UMAD1: variants seen among roughly 807,000 people sequenced by gnomAD.
UMAD1 encodes the protein UBAP1-MVB12-associated (UMA) domain containing 1, also known as UBAP1-MVB12-associated (UMA)-domain containing protein 1.
In UMAD1, 8 loss-of-function variants were observed where a neutral mutation model predicts 6.1. That is an observed-to-expected ratio of 1.30 (90% CI 0.76 to 2.35). The LOEUF (loss-of-function observed/expected upper bound fraction) is 2.35. Ranked by LOEUF, UMAD1 falls within the 30% of genes most tolerant of loss-of-function variation. UMAD1 has a pLI of 0.00. For missense variants in UMAD1, 130 were observed against 78.4 expected, an observed-to-expected ratio of 1.66 and a Z score of -2.49; for synonymous variants, 56 against 31.4, an observed-to-expected ratio of 1.78 and a Z score of -2.61.
At position 7,854,341 on chromosome 7, in the gene UMAD1, G is replaced by A. The variant is rs1221108357; in HGVS notation, c.157-22940G>A. Among the ~76,000 whole-genome samples the A allele has an allele frequency of 9.5e-5, 8 of 83,902 alleles. No individual in the cohort carries two copies. The Admixed American group carries it at 1.5e-3, about 16-fold the overall frequency. The allele number at this position is 83,902 out of a possible 152,430, so 55.0% of individuals were successfully genotyped here. Reference sequence around the variant, plus strand: ...TTGCACTCCAGCCTGGGCAACAAGAGCAAAGCTCCATCTCAAAAAAAAAAA... The same window carrying A: ...TTGCACTCCAGCCTGGGCAACAAGAACAAAGCTCCATCTCAAAAAAAAAAA... On this transcript the variant is annotated intron_variant, in intron 3 of 3. Coordinates refer to ENST00000682710, the MANE Select transcript of UMAD1 (RefSeq NM_001302348.2).
intron 2 of UMAD1, among the ~76,000 whole-genome samples, chr7:7,682,449 C>G (rs1290956880): frequency 2.0e-5 from 3 of 152,074 alleles, no homozygotes; most frequent in Non-Finnish European, 4.4e-5. Flanking sequence ...TTATATGGAA[C>G]TTTTAAAGGT....
intron 3 of UMAD1, among the ~76,000 whole-genome samples, chr7:7,831,439 C>CT (rs1161513999): frequency 1.3e-5 from 2 of 152,192 alleles, no homozygotes; most frequent in Admixed American, 6.5e-5. Context: ...TGGAGCCTGT[C>CT]TTTCTGGGTA....
intron 3 of UMAD1, among the ~76,000 whole-genome samples, chr7:7,869,255 C>T (rs1375240811): frequency 9.6e-6 from 1 of 103,978 alleles, no homozygotes; most frequent in African/African-American, 3.7e-5. Flanking sequence ...AAGCAGATAC[C>T]AGCTGAAGCC....
intron 3 of UMAD1, among the ~76,000 whole-genome samples, chr7:7,866,712 A>G (rs1287267357): frequency 6.6e-6 from 1 of 152,208 alleles, no homozygotes; most frequent in Non-Finnish European, 1.5e-5. Context: ...TAAGAGTACA[A>G]GAAATTGGAG....
intron 2 of UMAD1, among the ~76,000 whole-genome samples, chr7:7,783,176 C>T (rs1231180722): frequency 6.6e-6 from 1 of 152,210 alleles, no homozygotes; most frequent in Non-Finnish European, 1.5e-5. Context: ...AAGAGACAGG[C>T]TGGTTGCACC....
At chr7:7,721,795 T>C (rs1426207988) in intron 2 of UMAD1, among the ~76,000 whole-genome samples, 1 of 152,182 alleles carries the variant, frequency 6.6e-6, no homozygotes, top group Non-Finnish European at 1.5e-5. Flanking sequence ...TTGATTGGAT[T>C]GAAGGATGCA....
At chr7:7,805,743 T>G (rs1782900041) in intron 3 of UMAD1, among the ~76,000 whole-genome samples, 1 of 152,194 alleles carries the variant, frequency 6.6e-6, no homozygotes, top group African/African-American at 2.4e-5. Flanking sequence ...TCAGGCTTTG[T>G]ATTTGCTAGT....
intron 2 of UMAD1, among the ~76,000 whole-genome samples, chr7:7,709,699 A>G (rs1780702593): frequency 6.6e-6 from 1 of 152,208 alleles, no homozygotes; most frequent in Admixed American, 6.5e-5. Flanking sequence ...GCTGAGGGTA[A>G]GATCTTTAAA....
intron 1 of UMAD1, among the ~76,000 whole-genome samples, chr7:7,663,081 G>A (rs1273652570): frequency 1.3e-5 from 2 of 151,700 alleles, no homozygotes; most frequent in Non-Finnish European, 2.9e-5. Context: ...GCACCCAAAT[G>A]CGAAAGTTTA....
chr7:7,644,142 G>A (rs1785040933), intron 1 of UMAD1, among the ~76,000 whole-genome samples: 1 of 152,026 alleles, frequency 6.6e-6, no homozygotes. Context: ...GATATGAAGT[G>A]TTTTTTTGTC....
chr7:7,800,442 C>CT (rs559610069), intron 2 of UMAD1, among the ~76,000 whole-genome samples: 6 of 151,226 alleles, frequency 4.0e-5, no homozygotes, highest in South Asian at 2.1e-4. Context: ...ACTTTAATCA[C>CT]TTTTTTTTTA....
At chr7:7,798,324 TACTC>T (rs1782727783) in intron 2 of UMAD1, among the ~76,000 whole-genome samples, 1 of 152,236 alleles carries the variant, frequency 6.6e-6, no homozygotes, top group Admixed American at 6.5e-5. Context: ...CTTTATCATT[TACTC>T]ACTCTAAATA....
In UMAD1 at chr7:7,670,014, G is replaced by A. The variant is rs1779566100; in HGVS notation, c.-63-3295G>A. Among the ~76,000 whole-genome samples the A allele has an allele frequency of 2.0e-5, 3 of 152,184 alleles. No homozygotes were observed. In the South Asian group the frequency reaches 6.2e-4, roughly 32 times the overall value. ...ATGCTTTGCCAGTAAGTCATGCTAT[G>A]TAACAGACTGCTGCAGCCAGTGTGT... is the stretch of plus-strand genomic sequence containing the variant. On this transcript the variant is annotated intron_variant, in intron 1 of 3. Transcript: ENST00000682710.
At chr7:7,780,898 G>T (rs777617099) in intron 2 of UMAD1, among the ~76,000 whole-genome samples, 1 of 151,968 alleles carries the variant, frequency 6.6e-6, no homozygotes, top group African/African-American at 2.4e-5. Context: ...CCATTGTAGG[G>T]ATAATTAATT....
intron 3 of UMAD1, among the ~76,000 whole-genome samples, chr7:7,857,113 TA>T (rs1563264299): frequency 6.6e-6 from 1 of 152,232 alleles, no homozygotes; most frequent in Non-Finnish European, 1.5e-5. Context: ...AAATAGGAAG[TA>T]AAATATACAC....
At chr7:7,778,957 A>G (rs1387423135) in intron 2 of UMAD1, among the ~76,000 whole-genome samples, 1 of 152,204 alleles carries the variant, frequency 6.6e-6, no homozygotes, top group Non-Finnish European at 1.5e-5. Flanking sequence ...TATATGGATG[A>G]TCTCATGTAA....
At chr7:7,762,557 A>G (rs966181621) in intron 2 of UMAD1, among the ~76,000 whole-genome samples, 6 of 152,136 alleles carry the variant, frequency 3.9e-5, no homozygotes, top group Non-Finnish European at 1.5e-5. Flanking sequence ...TTGCTATGGG[A>G]TGCCTCATGG....
chr7:7,801,637 G>A (rs1403520418), intron 2 of UMAD1, 33 bp from the exon 3 acceptor site: 1 of 711,550 alleles, frequency 1.4e-6, no homozygotes, highest in East Asian at 2.7e-5. Flanking sequence ...ATATGGTCAA[G>A]TTTTAAAAAT....
At chr7:7,694,228 CTTTTTA>C (rs982403679) in intron 2 of UMAD1, among the ~76,000 whole-genome samples, 61 of 151,990 alleles carry the variant, frequency 4.0e-4, no homozygotes, top group African/African-American at 1.4e-3. Flanking sequence ...TTATTGGTAA[CTTTTTA>C]TTTTTAATTT....
Sources: allele counts gnomAD v4.1 joint callset (sites outside exome capture counted in the v4.1 genomes callset), GRCh38; gene constraint gnomAD v4.1.1; transcripts MANE v1.5; gene names NCBI Gene and HGNC (gene_info 2026-07-23, HGNC 2026-07-21).